The following UBE2E2 variants were observed in gnomAD, a reference collection of about 807,000 sequenced individuals.
The protein encoded by UBE2E2 is ubiquitin conjugating enzyme E2 E2.
In UBE2E2, 6 loss-of-function variants were observed where a neutral mutation model predicts 24.7. The observed-to-expected ratio is 0.24, with a 90% CI of 0.13 to 0.48. The LOEUF (loss-of-function observed/expected upper bound fraction) is 0.48. UBE2E2 is among the 20% of genes least tolerant of loss of function. The pLI, the probability that UBE2E2 is intolerant of heterozygous loss-of-function variation, is 0.99. For synonymous variants in UBE2E2, 104 were observed against 83.6 expected (o/e 1.24, Z -1.33); for missense variants, 169 against 245.0 (o/e 0.69, Z 2.07).
intron 3 of UBE2E2, among the ~76,000 whole-genome samples, chr3:23,370,371 A>G (rs958927893): frequency 6.6e-6 from 1 of 152,216 alleles, no homozygotes; most frequent in Non-Finnish European, 1.5e-5. Context: ...CAAAACATAA[A>G]ATGTTGAAAT....
At chr3:23,349,308 A>C (rs1434940691) in intron 3 of UBE2E2, among the ~76,000 whole-genome samples, 7 of 152,250 alleles carry the variant, frequency 4.6e-5, no homozygotes, top group Non-Finnish European at 8.8e-5. Context: ...TGAGTGACGC[A>C]GAAGACGGGT....
intron 3 of UBE2E2, among the ~76,000 whole-genome samples, chr3:23,264,974 T>G (rs1327546102): frequency 1.3e-5 from 2 of 152,164 alleles, no homozygotes; most frequent in Non-Finnish European, 2.9e-5. Context: ...TCCAGACAAG[T>G]CTTGTGTATT....
chr3:23,587,860 G>A (rs1696662965), intron 5 of UBE2E2, among the ~76,000 whole-genome samples: 1 of 152,206 alleles, frequency 6.6e-6, no homozygotes, highest in South Asian at 2.1e-4. Context: ...AGTAGGCAGA[G>A]AGGCAAACGT....
At chr3:23,526,590 T>C (rs138660743) in intron 4 of UBE2E2, among the ~76,000 whole-genome samples, 11 of 151,688 alleles carry the variant, frequency 7.3e-5, no homozygotes, top group Middle Eastern at 3.4e-3. Context: ...AGTATTGAAG[T>C]AGGAATATGA....
chr3:23,414,342 C>T (rs903066704), intron 3 of UBE2E2, among the ~76,000 whole-genome samples: 4 of 151,990 alleles, frequency 2.6e-5, no homozygotes, highest in South Asian at 2.1e-4. Context: ...CTGGTGCACA[C>T]TTGTTAAAGG....
chr3:23,221,494 T>A (rs1575480245), intron 3 of UBE2E2, among the ~76,000 whole-genome samples: 2 of 152,200 alleles, frequency 1.3e-5, no homozygotes, highest in African/African-American at 4.8e-5. Flanking sequence ...CAGCAATTAG[T>A]CTACTTTCTG....
chr3:23,349,022 G>A (rs963205720), intron 3 of UBE2E2, among the ~76,000 whole-genome samples: 2 of 152,160 alleles, frequency 1.3e-5, no homozygotes, highest in African/African-American at 4.8e-5. Flanking sequence ...GGAGTTGATA[G>A]TACTGAGTGG....
chr3:23,389,759 C>G (rs73041534), intron 3 of UBE2E2: 1 of 174,362 alleles, frequency 5.7e-6, no homozygotes, highest in Admixed American at 6.2e-5. Context: ...GCTTCTTCCC[C>G]GATAGAGTAA....
chr3:23,386,437 G>T (rs967072571), intron 3 of UBE2E2, among the ~76,000 whole-genome samples: 9 of 152,120 alleles, frequency 5.9e-5, no homozygotes, highest in Non-Finnish European at 1.2e-4. Context: ...ATTTAGCGGG[G>T]ACACGAACAT....
At chr3:23,522,216 C>T (rs889090239) in intron 4 of UBE2E2, among the ~76,000 whole-genome samples, 2 of 149,808 alleles carry the variant, frequency 1.3e-5, no homozygotes, top group Non-Finnish European at 1.5e-5. Flanking sequence ...CTGCAAGCTC[C>T]GCCTCCCGGG....
intron 5 of UBE2E2, among the ~76,000 whole-genome samples, chr3:23,538,104 G>C (rs1285848879): frequency 6.6e-6 from 1 of 151,774 alleles, no homozygotes; most frequent in South Asian, 2.1e-4. Context: ...TGTTTTAGCA[G>C]GACTACAAAA....
At chr3:23,372,942 G>C (rs544384462) in intron 3 of UBE2E2, among the ~76,000 whole-genome samples, 2 of 152,212 alleles carry the variant, frequency 1.3e-5, no homozygotes, top group South Asian at 2.1e-4. Flanking sequence ...TTATGACTGA[G>C]ACCACATCCA....
chr3:23,550,502 A>G (rs1184393557), intron 5 of UBE2E2, among the ~76,000 whole-genome samples: 3 of 152,206 alleles, frequency 2.0e-5, no homozygotes, highest in Admixed American at 2.0e-4. Context: ...TAGAGGTCAA[A>G]GACTATGTTG....
chr3:23,281,380 C>A (rs1046747872), intron 3 of UBE2E2, among the ~76,000 whole-genome samples: 2 of 152,158 alleles, frequency 1.3e-5, no homozygotes, highest in Non-Finnish European at 2.9e-5. Context: ...GCCTGTAATA[C>A]CAGCATTTTG....
At chr3:23,554,798 G>GA (rs919204384) in intron 5 of UBE2E2, among the ~76,000 whole-genome samples, 2 of 151,586 alleles carry the variant, frequency 1.3e-5, no homozygotes, top group African/African-American at 4.8e-5. Flanking sequence ...TACAGACTGG[G>GA]AAAAAAATAT....
At chr3:23,313,362 C>T (rs1694465457) in intron 3 of UBE2E2, among the ~76,000 whole-genome samples, 3 of 128,588 alleles carry the variant, frequency 2.3e-5, no homozygotes, top group Admixed American at 1.6e-4. Context: ...AAGTGTGTTT[C>T]TTGTAGGCAA....
intron 3 of UBE2E2, among the ~76,000 whole-genome samples, chr3:23,229,707 A>G (rs1486944417): frequency 6.6e-6 from 1 of 152,204 alleles, no homozygotes; most frequent in Non-Finnish European, 1.5e-5. Context: ...CTGCTCTAGA[A>G]CAGCACTGTC....
chr3:23,301,926 T>C (rs1699107728), intron 3 of UBE2E2, among the ~76,000 whole-genome samples: 1 of 142,382 alleles, frequency 7.0e-6, no homozygotes, highest in South Asian at 2.1e-4. Context: ...TTTCTTCGCT[T>C]AATTAATCTT....
intron 3 of UBE2E2, among the ~76,000 whole-genome samples, chr3:23,322,454 A>T (rs953484856): frequency 6.6e-6 from 1 of 152,194 alleles, no homozygotes; most frequent in African/African-American, 2.4e-5. Flanking sequence ...TTTGGACAGA[A>T]TCCCCATGTG....
Sources: gnomAD v4.1 joint callset for allele counts (sites outside exome capture counted in the v4.1 genomes callset) on GRCh38, gnomAD v4.1.1 for gene constraint, MANE v1.5 for transcripts, NCBI Gene and HGNC (gene_info 2026-07-23, HGNC 2026-07-21) for gene names.